DPP10: variants seen among roughly 807,000 people sequenced by gnomAD.
DPP10 encodes the protein inactive dipeptidyl peptidase 10.
DPP10 carries 33 observed loss-of-function variants against 120.9 expected under a neutral mutation model. The ratio of observed to expected loss-of-function variants is 0.27; its 90% CI spans 0.21 to 0.37. The LOEUF is 0.37. DPP10 is among the 10% of genes least tolerant of loss of function. The pLI is 1.00. For missense variants in DPP10, 816 were observed against 942.8 expected (o/e 0.87, Z 1.76); for synonymous variants, 337 against 326.1 (o/e 1.03, Z -0.36).
intron 1 of DPP10, among the ~76,000 whole-genome samples, chr2:114,760,560 C>T (rs964868986): frequency 1.3e-5 from 2 of 150,750 alleles, no homozygotes; most frequent in Non-Finnish European, 3.0e-5. Flanking sequence ...ATATATTTTC[C>T]TAGGCCCTCT....
chr2:115,004,179 T>C lies in DPP10; in HGVS notation c.61-305060T>C, dbSNP rs185616348. ...GGTGATCACCAGAGGCTGGAAAGGG[T>C]AGCATGAAGGGAAGGTGGTTAATGG... On this transcript the variant is annotated intron_variant, in intron 1 of 25. Transcript: ENST00000410059. Among the ~76,000 whole-genome samples, 393 of 152,148 alleles carry C rather than the reference T, an allele frequency of 2.6e-3. 1 individual carries two copies. Among genetic ancestry groups the C allele is most frequent in the African/African-American group, 8.9e-3 (371 of 41,504 alleles).
At chr2:115,556,644 G>A (rs1462032565) in intron 5 of DPP10, among the ~76,000 whole-genome samples, 6 of 151,992 alleles carry the variant, frequency 3.9e-5, no homozygotes, top group South Asian at 4.1e-4. Flanking sequence ...TCAAGCACCC[G>A]TTCTATGCAT....
intron 1 of DPP10, among the ~76,000 whole-genome samples, chr2:115,090,017 T>A (rs1029757597): frequency 6.6e-6 from 1 of 152,044 alleles, no homozygotes; most frequent in Middle Eastern, 3.2e-3. Context: ...GACTGCCCAG[T>A]AAATGATTCA....
chr2:115,256,085 G>A (rs936397406), intron 1 of DPP10, among the ~76,000 whole-genome samples: 11 of 152,282 alleles, frequency 7.2e-5, no homozygotes, highest in Admixed American at 1.3e-4. Context: ...ACATGAGACC[G>A]GGTAATTTAT....
At chr2:114,585,807 C>T (rs181349290) in intron 1 of DPP10, among the ~76,000 whole-genome samples, 32 of 152,228 alleles carry the variant, frequency 2.1e-4, no homozygotes, top group Admixed American at 1.0e-3. Context: ...TATTTTTGGA[C>T]GGAGTATGAC....
intron 7 of DPP10, among the ~76,000 whole-genome samples, chr2:115,692,141 T>A (rs1319454266): frequency 6.6e-6 from 1 of 151,818 alleles, no homozygotes; most frequent in East Asian, 1.9e-4. Flanking sequence ...TATGGTGGGG[T>A]TTTTTGTTTT....
rs540231903 is a variant in DPP10 at position 115,497,756 on chromosome 2, GA to G, written c.272-1753del. Among the ~76,000 whole-genome samples the G allele has an allele frequency of 3.9e-5, 6 of 152,046 alleles. No homozygotes were observed. In the South Asian group the frequency reaches 1.2e-3, roughly 31 times the overall value. Reference sequence around the variant, plus strand: ...GCATTAATTGTGAGCAGGAGGACAGGAGATCAAATCAGCTGGCAAGACCAAA... The same window carrying G: ...GCATTAATTGTGAGCAGGAGGACAGGGATCAAATCAGCTGGCAAGACCAAA... On this transcript the variant is annotated intron_variant, in intron 3 of 25. Transcript: ENST00000410059.
rs1266375554 is a variant in DPP10, at chr2:114,979,918, G to A, written c.61-329321G>A. On this transcript the variant is annotated intron_variant, in intron 1 of 25. Coordinates refer to ENST00000410059, the MANE Select transcript of DPP10 (RefSeq NM_020868.6). ...CTGCCTGCTGGCGCAAAAGTCGGTT[G>A]GTATCTTCCTAAGAAAATTTTGTCA... Among the ~76,000 whole-genome samples, 3 of 152,076 alleles carry A rather than the reference G, an allele frequency of 2.0e-5. No homozygotes were observed. The East Asian group carries it at 5.8e-4, about 29-fold the overall frequency.
intron 1 of DPP10, among the ~76,000 whole-genome samples, chr2:114,833,142 T>C (rs947761554): frequency 1.3e-5 from 2 of 152,130 alleles, no homozygotes; most frequent in African/African-American, 4.8e-5. Flanking sequence ...TCATTTGGCA[T>C]AATTTTCATA....
intron 1 of DPP10, among the ~76,000 whole-genome samples, chr2:114,679,054 G>A (rs541900284): frequency 6.6e-6 from 1 of 152,000 alleles, no homozygotes; most frequent in Admixed American, 6.6e-5. Flanking sequence ...AGGAGCAGTC[G>A]CCATTCCAAT....
At chr2:114,620,741 C>T (rs1256301004) in intron 1 of DPP10, among the ~76,000 whole-genome samples, 5 of 152,016 alleles carry the variant, frequency 3.3e-5, no homozygotes, top group African/African-American at 9.7e-5. Flanking sequence ...TGGCCCTGCC[C>T]TTCAGCCCCA....
chr2:115,683,675 A>T (rs1296319256), intron 5 of DPP10, among the ~76,000 whole-genome samples: 3 of 151,862 alleles, frequency 2.0e-5, no homozygotes, highest in Non-Finnish European at 4.4e-5. Flanking sequence ...GTCTATTTTT[A>T]AAACATAAAA....
intron 1 of DPP10, among the ~76,000 whole-genome samples, chr2:114,519,768 C>T (rs543990373): frequency 6.6e-6 from 1 of 152,182 alleles, no homozygotes; most frequent in Non-Finnish European, 1.5e-5. Flanking sequence ...AGCTGCATTG[C>T]CCTGTTACTT....
At chr2:115,524,340 C>CG (rs1167386078) in intron 4 of DPP10, among the ~76,000 whole-genome samples, 1 of 151,998 alleles carries the variant, frequency 6.6e-6, no homozygotes, top group African/African-American at 2.4e-5. Context: ...TCAAAGAGCT[C>CG]GGACAAGAGC....
chr2:114,507,654 G>A (rs1344561233), intron 1 of DPP10, among the ~76,000 whole-genome samples: 1 of 151,538 alleles, frequency 6.6e-6, no homozygotes, highest in African/African-American at 2.4e-5. Context: ...CTTGAAGGTT[G>A]GTGGTTGGGG....
chr2:115,349,820 G>C (rs1220039696), intron 3 of DPP10, among the ~76,000 whole-genome samples: 1 of 152,058 alleles, frequency 6.6e-6, no homozygotes. Context: ...ACTTGGTAGA[G>C]CTGCAGAAGT....
At chr2:114,740,833 GGTCC>G (rs1677979253) in intron 1 of DPP10, among the ~76,000 whole-genome samples, 1 of 152,002 alleles carries the variant, frequency 6.6e-6, no homozygotes, top group African/African-American at 2.4e-5. Context: ...TTAAATTTGG[GGTCC>G]ATTTTCTTCA....
chr2:114,540,874 T>C (rs1686894907), intron 1 of DPP10, among the ~76,000 whole-genome samples: 1 of 152,172 alleles, frequency 6.6e-6, no homozygotes, highest in South Asian at 2.1e-4. Flanking sequence ...CTCTTCTTAG[T>C]CTTACCTTCA....
intron 1 of DPP10, among the ~76,000 whole-genome samples, chr2:114,701,999 G>A (rs1700411945): frequency 6.6e-6 from 1 of 152,110 alleles, no homozygotes; most frequent in South Asian, 2.1e-4. Context: ...ACTAGAGGAA[G>A]GGGGATTTGG....
Sources: gnomAD v4.1 joint callset for allele counts (sites outside exome capture counted in the v4.1 genomes callset) on GRCh38, gnomAD v4.1.1 for gene constraint, MANE v1.5 for transcripts, NCBI Gene and HGNC (gene_info 2026-07-23, HGNC 2026-07-21) for gene names.